Variants in CALD1 observed in about 807,000 individuals in gnomAD.
CALD1 encodes caldesmon 1, also known as caldesmon.
In CALD1, 33 loss-of-function variants were observed where a neutral mutation model predicts 99.9. The ratio of observed to expected loss-of-function variants is 0.33; its 90% CI spans 0.25 to 0.44. The LOEUF (loss-of-function observed/expected upper bound fraction) is 0.44. Among genes scored for constraint, CALD1 ranks in the 20% least tolerant of loss-of-function variants. The pLI is 1.00. For synonymous variants in CALD1, 310 were observed against 325.0 expected (o/e 0.95, Z 0.50); for missense variants, 861 against 962.1 (o/e 0.89, Z 1.39).
At chr7:134,814,267 A>G (rs1404355090) in intron 1 of CALD1, among the ~76,000 whole-genome samples, 1 of 152,188 alleles carries the variant, frequency 6.6e-6, no homozygotes, top group African/African-American at 2.4e-5. Flanking sequence ...GGGAACATTC[A>G]AAGAAGAGTT....
chr7:134,881,016 G>A (rs1801574420), intron 3 of CALD1, among the ~76,000 whole-genome samples: 1 of 152,114 alleles, frequency 6.6e-6, no homozygotes, highest in Admixed American at 6.5e-5. Context: ...TTGTGGCATT[G>A]TCAGAGCTAT....
At chr7:134,908,121 T>C (rs1803537702) in intron 3 of CALD1, among the ~76,000 whole-genome samples, 1 of 152,158 alleles carries the variant, frequency 6.6e-6, no homozygotes, top group Non-Finnish European at 1.5e-5. Flanking sequence ...TGGGGTTACA[T>C]GATGTTTTCA....
rs1043694866 is a variant in CALD1 at position 134,889,102 on chromosome 7, A to C, written c.71+21298A>C. On this transcript the variant is annotated intron_variant, in intron 3 of 14. Coordinates refer to ENST00000361675, the MANE Select transcript of CALD1 (RefSeq NM_033138.4). ...AATCAGGAGGTGATAGCTTTCTCGC[A>C]TGGCTGCGACAAATAACTAGAAACT... Among the ~76,000 whole-genome samples the C allele has an allele frequency of 4.6e-5, 7 of 152,316 alleles. No individual in the cohort carries two copies. The East Asian group carries it at 1.2e-3, about 25-fold the overall frequency.
intron 1 of CALD1, among the ~76,000 whole-genome samples, chr7:134,749,299 T>C (rs147582737): frequency 6.6e-6 from 1 of 152,196 alleles, no homozygotes; most frequent in Non-Finnish European, 1.5e-5. Context: ...GACTCAAGGA[T>C]GCAGAGCAAG....
At chr7:134,763,382 G>A (rs900374541) in intron 1 of CALD1, among the ~76,000 whole-genome samples, 3 of 152,142 alleles carry the variant, frequency 2.0e-5, no homozygotes, top group Non-Finnish European at 4.4e-5. Context: ...TAATCCTCTG[G>A]TATTATTTTA....
chr7:134,838,062 T>G (rs1799515414), intron 1 of CALD1, among the ~76,000 whole-genome samples: 1 of 152,238 alleles, frequency 6.6e-6, no homozygotes, highest in Non-Finnish European at 1.5e-5. Context: ...ACTGAATAAT[T>G]GACTTTTTCT....
chr7:134,965,185 G>T, intron 13 of CALD1, 121 bp from the exon 14 acceptor site: 2 of 672,038 alleles, frequency 3.0e-6, no homozygotes. Context: ...CAGATCACTG[G>T]GGTAAAGTGT....
At chr7:134,739,566 A>C (rs1796576146), upstream of CALD1, among the ~76,000 whole-genome samples, 1 of 152,274 alleles carries the variant, frequency 6.6e-6, no homozygotes, top group East Asian at 1.9e-4. Flanking sequence ...ACTGATGTGC[A>C]CTACTCCCAG....
At chr7:134,884,207 G>C (rs1371527789) in intron 3 of CALD1, among the ~76,000 whole-genome samples, 5 of 152,176 alleles carry the variant, frequency 3.3e-5, no homozygotes, top group Non-Finnish European at 5.9e-5. Flanking sequence ...AAATGAGACA[G>C]ACCTTGAATC....
intron 3 of CALD1, among the ~76,000 whole-genome samples, chr7:134,869,529 T>A (rs1800965096): frequency 6.6e-6 from 1 of 152,080 alleles, no homozygotes; most frequent in African/African-American, 2.4e-5. Context: ...AGAGGGAGAA[T>A]TAGCAAACCT....
chr7:134,815,647 A>G (rs1798531650), intron 1 of CALD1, among the ~76,000 whole-genome samples: 1 of 152,160 alleles, frequency 6.6e-6, no homozygotes, highest in Non-Finnish European at 1.5e-5. Flanking sequence ...AGCTGAGCCT[A>G]TGAGGTCCTA....
rs371640067 is a variant in CALD1 at position 134,927,175 on chromosome 7, A to G, written c.72-1579A>G. ...AAAAACAGCTAAGTCAAACGTGTCA[A>G]AATAGCTATTTCCTCTTGAGTTTGA... On this transcript the variant is annotated intron_variant, in intron 3 of 14. Transcript: ENST00000361675. Among the ~76,000 whole-genome samples the G allele has an allele frequency of 1.3e-3, 193 of 152,290 alleles. No individual in the cohort carries two copies. In the East Asian group the frequency reaches 0.024, roughly 19 times the overall value.
At chr7:134,811,154 T>C (rs978743653) in intron 1 of CALD1, among the ~76,000 whole-genome samples, 1 of 152,192 alleles carries the variant, frequency 6.6e-6, no homozygotes, top group Non-Finnish European at 1.5e-5. Flanking sequence ...TTATTGATCC[T>C]TGTATATCCT....
chr7:134,714,020 C>T, the CALD1 span, among the ~76,000 whole-genome samples: 1 of 151,996 alleles, frequency 6.6e-6, no homozygotes, highest in Non-Finnish European at 1.5e-5. Context: ...TGAGTTATTG[C>T]TAGATCTGGT....
chr7:134,827,652 C>CATATCACATCACATG (rs1295235579), intron 1 of CALD1, among the ~76,000 whole-genome samples: 1 of 152,182 alleles, frequency 6.6e-6, no homozygotes, highest in Non-Finnish European at 1.5e-5. Flanking sequence ...GAGTGAGGAC[C>CATATCACATCACATG]ATATCACATC....
chr7:134,871,178 T>C (rs1801057533), intron 3 of CALD1, among the ~76,000 whole-genome samples: 1 of 152,198 alleles, frequency 6.6e-6, no homozygotes, highest in South Asian at 2.1e-4. Context: ...GATTTTTCTT[T>C]ACTACGATCA....
upstream of CALD1, among the ~76,000 whole-genome samples, chr7:134,740,397 A>G (rs1472594084): frequency 6.6e-6 from 1 of 152,152 alleles, no homozygotes; most frequent in East Asian, 1.9e-4. Context: ...AAATGTAATA[A>G]GGATAAATGC....
chr7:134,750,541 A>C (rs1314120202), intron 1 of CALD1, among the ~76,000 whole-genome samples: 1 of 152,170 alleles, frequency 6.6e-6, no homozygotes, highest in Non-Finnish European at 1.5e-5. Flanking sequence ...AGACTTAAAA[A>C]TCCTGCCATC....
At chr7:134,765,852 G>T (rs1462126829) in intron 1 of CALD1, among the ~76,000 whole-genome samples, 1 of 152,130 alleles carries the variant, frequency 6.6e-6, no homozygotes, top group Admixed American at 6.5e-5. Context: ...TCATGGGGAT[G>T]GATTTCTCAT....
Sources: gnomAD v4.1 joint callset for allele counts (sites outside exome capture counted in the v4.1 genomes callset) on GRCh38, gnomAD v4.1.1 for gene constraint, MANE v1.5 for transcripts, NCBI Gene and HGNC (gene_info 2026-07-23, HGNC 2026-07-21) for gene names.